The following ARG2 variants were observed in gnomAD, a reference collection of about 807,000 sequenced individuals.
The protein encoded by ARG2 is arginase-2, mitochondrial.
ARG2 carries 21 observed loss-of-function variants against 39.4 expected under a neutral mutation model. The ratio of observed to expected loss-of-function variants is 0.53; its 90% CI spans 0.38 to 0.77. The LOEUF is 0.77. ARG2 is among the 30% of genes least tolerant of loss of function. The pLI, the probability that ARG2 is intolerant of heterozygous loss-of-function variation, is 0.00. For missense variants in ARG2, 378 were observed against 426.2 expected, an observed-to-expected ratio of 0.89 and a Z score of 1.00; for synonymous variants, 150 against 156.7, an observed-to-expected ratio of 0.96 and a Z score of 0.32.
At chr14:67,636,699 C>A (rs1013897595) in intron 2 of ARG2, among the ~76,000 whole-genome samples, 1 of 152,180 alleles carries the variant, frequency 6.6e-6, no homozygotes, top group African/African-American at 2.4e-5. Context: ...ACATCTGGGC[C>A]TGAAAGATCA....
chr14:67,622,852 T>A (rs1395977427), intron 2 of ARG2, among the ~76,000 whole-genome samples: 1 of 152,202 alleles, frequency 6.6e-6, no homozygotes. Flanking sequence ...GAGACCTCTA[T>A]AACAATCAGC....
intron 2 of ARG2, among the ~76,000 whole-genome samples, chr14:67,633,345 C>T (rs1258227190): frequency 6.6e-6 from 1 of 151,956 alleles, no homozygotes; most frequent in Non-Finnish European, 1.5e-5. Context: ...GTTTAGATCC[C>T]TGTGGTGTCC....
At chr14:67,648,488 T>C (rs2037130300) in intron 7 of ARG2, 1 of 210,688 alleles carries the variant, frequency 4.7e-6, no homozygotes, top group African/African-American at 2.3e-5. Flanking sequence ...TAAAGGCAGA[T>C]TAAGATAAGA....
chr14:67,646,468 A>C (rs2037099715), intron 4 of ARG2, 176 bp from the exon 5 acceptor site: 3 of 574,226 alleles, frequency 5.2e-6, no homozygotes, highest in Non-Finnish European at 9.3e-6. Context: ...TGCCCTTCTG[A>C]AACATTTCCA....
chr14:67,628,484 T>C (rs1259648424), intron 2 of ARG2, among the ~76,000 whole-genome samples: 1 of 152,236 alleles, frequency 6.6e-6, no homozygotes, highest in Non-Finnish European at 1.5e-5. Context: ...AAATCTATAA[T>C]AGACACTATT....
chr14:67,622,434 A>G (rs1056490475), intron 2 of ARG2, among the ~76,000 whole-genome samples: 32 of 152,198 alleles, frequency 2.1e-4, no homozygotes, highest in Admixed American at 1.8e-3. Flanking sequence ...GGATATGGTG[A>G]CATGGATTCA....
chr14:67,645,240 C>A (rs2037082461), intron 3 of ARG2, among the ~76,000 whole-genome samples: 1 of 151,848 alleles, frequency 6.6e-6, no homozygotes, highest in Non-Finnish European at 1.5e-5. Context: ...TCTTGAACCC[C>A]TGGGCTCATG....
chr14:67,643,111 A>G (rs2037055037), intron 3 of ARG2, among the ~76,000 whole-genome samples: 1 of 151,952 alleles, frequency 6.6e-6, no homozygotes, highest in Non-Finnish European at 1.5e-5. Flanking sequence ...CTGTGGATAC[A>G]TTTTCTGCCT....
rs141432809 is a variant in ARG2 at position 67,650,870 on chromosome 14, A to T, written c.1015A>T (p.Thr339Ser). Reference protein sequence around the residue: ...GGHIVYDQLPTPSSPDESENQ... With the variant: ...GGHIVYDQLPSPSSPDESENQ... ...GCATATTGTCTATGACCAACTTCCT[A>T]CTCCCAGTTCACCAGATGAATCAGA... Residue 339 changes from threonine (T) to serine (S), a missense_variant, in exon 8 of 8, where the codon ACT becomes TCT. Transcript: ENST00000261783. 9.4e-4 allele frequency: 1,520 copies of T among 1,614,156 alleles called. 3 individuals are homozygous for T. The highest frequency in any genetic ancestry group is 1.2e-3 in the Admixed American group (71 of 60,014).
At chr14:67,638,129 C>G (rs2036991660) in intron 2 of ARG2, among the ~76,000 whole-genome samples, 1 of 152,198 alleles carries the variant, frequency 6.6e-6, no homozygotes, top group Non-Finnish European at 1.5e-5. Flanking sequence ...GCTAAACAAA[C>G]AAGAAATAAA....
At chr14:67,639,304 G>A (rs749537441) in intron 2 of ARG2, among the ~76,000 whole-genome samples, 1 of 152,152 alleles carries the variant, frequency 6.6e-6, no homozygotes, top group Non-Finnish European at 1.5e-5. Flanking sequence ...CCACTGGATT[G>A]AGCACTTTAA....
Position 67,642,353 on chromosome 14 carries a change from G to A in ARG2, c.352G>A (p.Gly118Arg). The A allele has an allele frequency of 6.2e-7, 1 of 1,613,786 alleles. No homozygotes were observed. The highest frequency in any genetic ancestry group is 8.5e-7 in the Non-Finnish European group (1 of 1,179,958). Residue 118 changes from glycine to arginine, a missense_variant, in exon 3 of 8, where the codon GGA becomes AGA. Gly to Arg is a moderately radical substitution (Grantham distance 125). Coordinates refer to ENST00000261783, the MANE Select transcript of ARG2 (RefSeq NM_001172.4). ...SDGYSCVTLG[G>R]DHSLAIGTIS... ...TGGCTACAGCTGTGTCACACTGGGA[G>A]GAGACCACAGGTAAGCTGGGAGCCA...
At chr14:67,648,371 A>C (rs777077650) in intron 7 of ARG2, 188 bp downstream of exon 7, 487 of 522,254 alleles carry the variant, frequency 9.3e-4, no homozygotes, top group Non-Finnish European at 1.4e-3. Flanking sequence ...ATGCTTGGAC[A>C]TGGCTCTTAC....
intron 2 of ARG2, among the ~76,000 whole-genome samples, chr14:67,625,793 C>A (rs996814423): frequency 1.4e-5 from 2 of 145,452 alleles, no homozygotes; most frequent in Admixed American, 1.4e-4. Context: ...AAAATATTTG[C>A]AAATCATATA....
At chr14:67,642,978 T>C (rs1305456902) in intron 3 of ARG2, among the ~76,000 whole-genome samples, 4 of 151,988 alleles carry the variant, frequency 2.6e-5, no homozygotes, top group African/African-American at 9.7e-5. Flanking sequence ...CATTTTTGTA[T>C]TTCTTGTAGA....
intron 2 of ARG2, among the ~76,000 whole-genome samples, chr14:67,628,705 T>A (rs2036891210): frequency 6.6e-6 from 1 of 152,234 alleles, no homozygotes; most frequent in South Asian, 2.1e-4. Context: ...GCCATTAGGA[T>A]GGCTACTATC....
chr14:67,628,493 T>C (rs2036889273), intron 2 of ARG2, among the ~76,000 whole-genome samples: 2 of 152,238 alleles, frequency 1.3e-5, no homozygotes, highest in South Asian at 4.1e-4. Context: ...ATAGACACTA[T>C]TGGGATTTGG....
intron 6 of ARG2, 140 bp downstream of exon 6, chr14:67,647,165 T>C (rs1208922770): frequency 1.7e-6 from 1 of 577,046 alleles, no homozygotes; most frequent in Admixed American, 3.2e-5. Flanking sequence ...AAAGGCAAAA[T>C]TTGAAACACA....
intron 2 of ARG2, among the ~76,000 whole-genome samples, chr14:67,621,179 G>C (rs2036806813): frequency 6.6e-6 from 1 of 152,206 alleles, no homozygotes; most frequent in Admixed American, 6.5e-5. Flanking sequence ...CAAGGAGGTA[G>C]AGTGAGGCAA....
Sources: allele counts gnomAD v4.1 joint callset (sites outside exome capture counted in the v4.1 genomes callset), GRCh38; gene constraint gnomAD v4.1.1; transcripts MANE v1.5; gene names NCBI Gene and HGNC (gene_info 2026-07-23, HGNC 2026-07-21).